The following DOCK9 variants were observed in gnomAD, a reference collection of about 807,000 sequenced individuals.
The protein encoded by DOCK9 is dedicator of cytokinesis protein 9.
Under a neutral mutation model 263.3 loss-of-function variants are expected in DOCK9, and 89 were observed. That is an observed-to-expected ratio of 0.34 (90% CI 0.28 to 0.40). The LOEUF (loss-of-function observed/expected upper bound fraction) is 0.40, where lower values mean the gene tolerates loss of function less well. DOCK9 is among the 10% of genes least tolerant of loss of function. DOCK9 has a pLI of 1.00. For synonymous variants in DOCK9, 976 were observed against 973.1 expected (o/e 1.00, Z -0.06); for missense variants, 2,140 against 2,603.4 (o/e 0.82, Z 3.87).
At chr13:98,882,117 G>T in intron 23 of DOCK9, 110 bp from the exon 24 acceptor site, 1 of 894,968 alleles carries the variant, frequency 1.1e-6, no homozygotes, top group Non-Finnish European at 1.8e-6. Flanking sequence ...AAAACAAAGG[G>T]AAGGCTGTGG....
intron 9 of DOCK9, among the ~76,000 whole-genome samples, chr13:98,906,042 G>A (rs879559281): frequency 1.1e-4 from 17 of 152,242 alleles, no homozygotes; most frequent in Non-Finnish European, 2.1e-4. Flanking sequence ...CCATGAACAC[G>A]ACAGAAAACT....
intron 27 of DOCK9, among the ~76,000 whole-genome samples, chr13:98,878,434 G>A (rs1377598174): frequency 6.6e-6 from 1 of 151,998 alleles, no homozygotes; most frequent in African/African-American, 2.4e-5. Flanking sequence ...CCCAGTCTCT[G>A]GTAACCACCA....
chr13:99,006,311 T>C (rs994130975), intron 1 of DOCK9, among the ~76,000 whole-genome samples: 3 of 152,226 alleles, frequency 2.0e-5, no homozygotes, highest in Non-Finnish European at 4.4e-5. Context: ...ACAATATGCC[T>C]TAATAGGCCT....
At chr13:98,879,642 C>T (rs2044428909) in intron 27 of DOCK9, among the ~76,000 whole-genome samples, 1 of 152,216 alleles carries the variant, frequency 6.6e-6, no homozygotes. Context: ...CAAAACCTGG[C>T]TGCTCCACTC....
At chr13:98,845,295 T>G (rs767598208) in intron 38 of DOCK9, 68 of 1,345,974 alleles carry the variant, frequency 5.1e-5, no homozygotes, top group Non-Finnish European at 6.3e-5. Context: ...TGAAGCAACC[T>G]CATAAAGCAG....
chr13:99,010,127 G>A (rs1028949466), intron 1 of DOCK9, among the ~76,000 whole-genome samples: 1 of 152,186 alleles, frequency 6.6e-6, no homozygotes, highest in Non-Finnish European at 1.5e-5. Flanking sequence ...CACTTTGCCT[G>A]TATTACTGCT....
At chr13:98,915,645 A>AT in intron 7 of DOCK9, 142 bp from the exon 8 acceptor site, 2 of 660,246 alleles carry the variant, frequency 3.0e-6, no homozygotes, top group South Asian at 2.4e-5. Context: ...TCCTCATGAA[A>AT]GCCCCCCCCC....
chr13:98,871,614 T>C (rs1252210051), intron 27 of DOCK9: 1 of 152,106 alleles, frequency 6.6e-6, no homozygotes, highest in Non-Finnish European at 1.5e-5. Flanking sequence ...AAGAGGAAAA[T>C]CTAAGATGAT....
At chr13:98,928,020 CAA>C (rs200359597) in intron 3 of DOCK9, among the ~76,000 whole-genome samples, 1 of 47,736 alleles carries the variant, frequency 2.1e-5, no homozygotes, top group African/African-American at 6.7e-5. Flanking sequence ...AAAAAAAAAA[CAA>C]AAAAAAACTC....
chr13:99,015,847 C>T lies in DOCK9; in HGVS notation c.130-60296G>A, dbSNP rs1048801014. 11 of 1,125,378 alleles carry T rather than the reference C, an allele frequency of 9.8e-6. No homozygotes were observed. In the East Asian group the frequency reaches 3.2e-4, roughly 32 times the overall value. The allele number at this position is 1,125,378 out of a possible 1,614,324, so 69.7% of individuals were successfully genotyped here. On this transcript the variant is annotated intron_variant, in intron 1 of 32. Coordinates refer to the DOCK9 transcript ENST00000427887. Reference sequence around the variant, plus strand: ...GGTGGTGCAAACACAAGATGACACACCTCGGATGCACCAAACCTTTAAAGT... The same window carrying T: ...GGTGGTGCAAACACAAGATGACACATCTCGGATGCACCAAACCTTTAAAGT...
Position 98,800,354 on chromosome 13 carries a change from C to T in DOCK9, c.5850G>A (p.Leu1950=). Residue 1950 remains leucine, a synonymous_variant, in exon 50 of 53, where the codon CTG becomes CTA. Coordinates refer to ENST00000682017, the MANE Select transcript of DOCK9 (RefSeq NM_001366683.2). The part of the protein sequence containing the change: ...MSKKVAELRQ[L]CSSAEVDMIK... ...TCATGTCCACCTCGGCCGAGGAGCACAGCTGCCGGAGCTCCGCCACCTTCT... is the reference window on the plus strand; with the variant it reads ...TCATGTCCACCTCGGCCGAGGAGCATAGCTGCCGGAGCTCCGCCACCTTCT... 1 of 1,613,490 alleles carries T rather than the reference C, an allele frequency of 6.2e-7. No individual in the cohort carries two copies. Among genetic ancestry groups the T allele is most frequent in the South Asian group, 1.1e-5 (1 of 90,892 alleles).
At chr13:99,067,881 T>TC (rs1485729699) in intron 1 of DOCK9, among the ~76,000 whole-genome samples, 2 of 151,840 alleles carry the variant, frequency 1.3e-5, no homozygotes, top group African/African-American at 4.8e-5. Context: ...TTTTTTTTTT[T>TC]TTTTTAAATG....
Position 98,883,062 on chromosome 13 carries a change from C to T in DOCK9, c.2539G>A (p.Glu847Lys), listed in dbSNP as rs868753929. ...TESGAQALGN[E>K]LVKYLKSLHA... ...GATACCTTAAGGTACTTTACAAGTT[C>T]GTTTCCTAAGGCTTGGGCTCCAGAT... Residue 847 changes from glutamate to lysine, a missense_variant, in exon 23 of 53, where the codon GAA (glutamate) becomes AAA (lysine). Around this residue, in one of 2 missense-constraint regions of DOCK9, gnomAD observed 1,521 missense variants for 1,741.7 expected, o/e 0.87. Transcript: ENST00000682017. 6.2e-6 allele frequency: 10 copies of T among 1,613,712 alleles called. No homozygotes were observed. The highest frequency in any genetic ancestry group is 5.9e-6 in the Non-Finnish European group (7 of 1,179,784).
rs1038481857 is a variant in DOCK9 at position 99,024,623 on chromosome 13, G to A, written c.129+61600C>T. 5.9e-5 allele frequency among the ~76,000 whole-genome samples: 9 copies of A among 152,178 alleles called. 1 individual carries two copies. The highest frequency in any genetic ancestry group is 3.3e-4 in the Admixed American group (5 of 15,280). ...TTTTAAGTCTTTTACTGTCATTGTGGCAGTATAGAAATGCTGTCTCAACAT... is the reference window on the plus strand; with the variant it reads ...TTTTAAGTCTTTTACTGTCATTGTGACAGTATAGAAATGCTGTCTCAACAT... On this transcript the variant is annotated intron_variant, in intron 1 of 32. Transcript: ENST00000427887.
At position 99,082,783 on chromosome 13, in the gene DOCK9, C is replaced by T. The variant is rs558983669; in HGVS notation, c.129+3440G>A. On this transcript the variant is annotated intron_variant, in intron 1 of 32. Coordinates refer to the DOCK9 transcript ENST00000427887. ...CCTTCCAACAACAATACAAGGAAAG[C>T]ATAATTATTATCTCCAATCTACAGA... Among the ~76,000 whole-genome samples, 9 of 152,238 alleles carry T rather than the reference C, an allele frequency of 5.9e-5. No homozygotes were observed. The East Asian group carries it at 1.5e-3, about 26-fold the overall frequency.
intron 13 of DOCK9, 26 bp downstream of exon 13, chr13:98,901,752 C>T: frequency 6.2e-7 from 1 of 1,608,074 alleles, no homozygotes; most frequent in Non-Finnish European, 8.5e-7. Context: ...CTTTTTACCA[C>T]CCCAAAGCGT....
intron 1 of DOCK9, among the ~76,000 whole-genome samples, chr13:99,023,775 T>G (rs925226201): frequency 7.2e-5 from 11 of 152,210 alleles, no homozygotes; most frequent in African/African-American, 1.9e-4. Context: ...CCTCTCTCCA[T>G]TGGCCTGTCA....
intron 1 of DOCK9, among the ~76,000 whole-genome samples, chr13:99,003,019 G>A (rs986955068): frequency 6.6e-6 from 1 of 152,044 alleles, no homozygotes; most frequent in African/African-American, 2.4e-5. Context: ...TCTGATGGAG[G>A]GAGGGGAGGG....
chr13:98,988,221 G>A (rs1878938048), intron 1 of DOCK9, among the ~76,000 whole-genome samples: 1 of 152,126 alleles, frequency 6.6e-6, no homozygotes, highest in African/African-American at 2.4e-5. Flanking sequence ...GGTGAGCGAG[G>A]TATTCATTTC....
Sources: allele counts gnomAD v4.1 joint callset (sites outside exome capture counted in the v4.1 genomes callset), GRCh38; gene constraint gnomAD v4.1.1; regional missense constraint gnomAD v4.1.1; transcripts MANE v1.5; gene names NCBI Gene and HGNC (gene_info 2026-07-23, HGNC 2026-07-21).